Variants in BCAP29 observed in about 807,000 individuals in gnomAD.
The protein encoded by BCAP29 is B cell receptor associated protein 29, also known as B-cell receptor-associated protein 29.
Under a neutral mutation model 31.8 loss-of-function variants are expected in BCAP29, and 34 were observed. That is an observed-to-expected ratio of 1.07 (90% CI 0.81 to 1.42). The LOEUF (loss-of-function observed/expected upper bound fraction) is 1.42. Ranked by LOEUF, BCAP29 falls within the 40% of genes most tolerant of loss-of-function variation. BCAP29 has a pLI of 0.00. For missense variants in BCAP29, 314 were observed against 269.2 expected (o/e 1.17, Z -1.16); for synonymous variants, 104 against 91.3 (o/e 1.14, Z -0.79).
chr7:107,586,960 G>T (rs1807813592), intron 3 of BCAP29, among the ~76,000 whole-genome samples: 1 of 151,856 alleles, frequency 6.6e-6, no homozygotes, highest in African/African-American at 2.4e-5. Context: ...AAACTCCTGA[G>T]CTCAAAGCGA....
intron 4 of BCAP29, 114 bp downstream of exon 4, chr7:107,594,219 C>T (rs1208377200): frequency 1.3e-5 from 12 of 953,568 alleles, no homozygotes; most frequent in African/African-American, 5.0e-5. Flanking sequence ...GACAACCTTT[C>T]GCTCTGTTGC....
chr7:107,596,529 G>T (rs1346937709), intron 5 of BCAP29, among the ~76,000 whole-genome samples: 2 of 151,918 alleles, frequency 1.3e-5, no homozygotes, highest in Non-Finnish European at 2.9e-5. Context: ...TTTCACAGTG[G>T]CAAAAATAAA....
At chr7:107,591,726 T>C (rs542641513) in intron 3 of BCAP29, among the ~76,000 whole-genome samples, 12 of 147,534 alleles carry the variant, frequency 8.1e-5, no homozygotes, top group Non-Finnish European at 1.6e-4. Flanking sequence ...CATCAAAAAG[T>C]ATGAGACAAA....
At position 107,618,641 on chromosome 7, in the gene BCAP29, A is replaced by C; in HGVS notation, c.*278A>C. 1 of 1,447,286 alleles carries C rather than the reference A, an allele frequency of 6.9e-7. No individual in the cohort carries two copies. Among genetic ancestry groups the C allele is most frequent in the South Asian group, 1.5e-5 (1 of 67,760 alleles). The allele number at this position is 1,447,286 out of a possible 1,614,324, so 89.7% of individuals were successfully genotyped here. A position where few individuals can be genotyped will look rare whatever the true frequency, so the allele number is the denominator to read the frequency against. ...GGTATATGGTGGCTGTTTACCAATA[A>C]AAGGAAAAAATTCATTAACCGGTTG... On this transcript the variant is annotated 3_prime_UTR_variant, in exon 8 of 8. Coordinates refer to ENST00000005259, the MANE Select transcript of BCAP29 (RefSeq NM_018844.4).
At chr7:107,616,037 T>C (rs1814069677) in intron 7 of BCAP29, among the ~76,000 whole-genome samples, 1 of 152,178 alleles carries the variant, frequency 6.6e-6, no homozygotes, top group Non-Finnish European at 1.5e-5. Context: ...TGCTGATCAT[T>C]GGATTGTGTT....
intron 6 of BCAP29, among the ~76,000 whole-genome samples, chr7:107,604,694 T>G (rs567086134): frequency 1.8e-4 from 28 of 151,396 alleles, no homozygotes; most frequent in East Asian, 7.7e-4. Flanking sequence ...TGTTTTTTTT[T>G]TTTTGCTTTG....
In BCAP29 at chr7:107,585,605, A is replaced by C. The variant is rs1807503493; in HGVS notation, c.193+1623A>C. 2.0e-5 allele frequency among the ~76,000 whole-genome samples: 3 copies of C among 152,210 alleles called. No homozygotes were observed. The South Asian group carries it at 6.2e-4, about 32-fold the overall frequency. The stretch of plus-strand genomic sequence containing the variant: ...GCAGCTCCTGATTTTATGATCTTCT[A>C]ACTCTAAAATTATCACAAAAATTTC... On this transcript the variant is annotated intron_variant, in intron 3 of 7. Transcript: ENST00000005259.
chr7:107,618,198 T>A (rs1309308311), intron 7 of BCAP29, 130 bp from the exon 8 acceptor site: 1 of 643,808 alleles, frequency 1.6e-6, no homozygotes, highest in Non-Finnish European at 2.4e-6. Context: ...ACTTTCTCAA[T>A]CCTTTTTTTC....
chr7:107,599,008 A>T (rs1440135742), intron 5 of BCAP29, among the ~76,000 whole-genome samples: 1 of 45,834 alleles, frequency 2.2e-5, no homozygotes, highest in Non-Finnish European at 3.6e-5. Context: ...TAGATCTACA[A>T]ATTTATATAT....
At chr7:107,580,031 G>A (rs1806277782), upstream of BCAP29, 1 of 152,350 alleles carries the variant, frequency 6.6e-6, no homozygotes, top group Non-Finnish European at 1.5e-5. Context: ...TGGAAAGTCT[G>A]TCCTCCTGAA....
chr7:107,591,979 G>A (rs980418313), intron 3 of BCAP29, among the ~76,000 whole-genome samples: 119 of 151,690 alleles, frequency 7.8e-4, no homozygotes, highest in African/African-American at 2.8e-3. Context: ...AAGAGACAGG[G>A]TCTTGCCATT....
In BCAP29 at chr7:107,618,748, A is replaced by T. The variant is rs576947546; in HGVS notation, c.*385A>T. ...GATAAGTTTTCAGTAATAATAACCT[A>T]TTTAATCAGATGATGATGTGTTTGA... On this transcript the variant is annotated 3_prime_UTR_variant, in exon 8 of 8. Coordinates refer to ENST00000005259, the MANE Select transcript of BCAP29 (RefSeq NM_018844.4). The T allele has an allele frequency of 1.7e-6, 1 of 596,396 alleles. No homozygotes were observed. The highest frequency in any genetic ancestry group is 2.8e-6 in the Non-Finnish European group (1 of 351,632). 36.9% of individuals were successfully genotyped at this position (596,396 alleles called of 1,614,324 possible).
At chr7:107,593,336 G>C (rs73419490) in intron 3 of BCAP29, among the ~76,000 whole-genome samples, 9,060 of 152,168 alleles carry the variant, frequency 0.06, 741 homozygotes, top group African/African-American at 0.18. Flanking sequence ...GAAAGAAGTG[G>C]TTCCCCTGCA....
At chr7:107,580,413 C>T (rs868690675) in intron 1 of BCAP29, 112 bp downstream of exon 1, 13 of 241,682 alleles carry the variant, frequency 5.4e-5, no homozygotes, top group Non-Finnish European at 8.8e-5. Flanking sequence ...CGGCCCGGCC[C>T]GGTCCGCGGC....
chr7:107,593,942 T>C lies in BCAP29; in HGVS notation c.194-13T>C, dbSNP rs1809337496. 1 of 1,578,178 alleles carries C rather than the reference T, an allele frequency of 6.3e-7. No homozygotes were observed. Among genetic ancestry groups the C allele is most frequent in the Admixed American group, 2.0e-5 (1 of 49,616 alleles). On this transcript the variant is annotated splice_polypyrimidine_tract_variant and intron_variant, in intron 3 of 7. Coordinates refer to ENST00000005259, the MANE Select transcript of BCAP29 (RefSeq NM_018844.4). Reference sequence around the variant, plus strand: ...AAAAGCCAAAAGTACTGTTTTCTTTTGTTCTGTAATAGATGCTGTGAGAGA... The same window carrying C: ...AAAAGCCAAAAGTACTGTTTTCTTTCGTTCTGTAATAGATGCTGTGAGAGA...
intron 2 of BCAP29, among the ~76,000 whole-genome samples, chr7:107,582,302 T>A (rs1202748010): frequency 6.6e-6 from 1 of 152,206 alleles, no homozygotes; most frequent in Non-Finnish European, 1.5e-5. Context: ...ATTAGATAGA[T>A]GTGTGTATAT....
chr7:107,588,220 A>C (rs894209163), intron 3 of BCAP29, among the ~76,000 whole-genome samples: 7 of 152,206 alleles, frequency 4.6e-5, no homozygotes, highest in Non-Finnish European at 7.4e-5. Context: ...GACTTTCAGG[A>C]ATAGATATGG....
At chr7:107,609,953 A>G (rs1293143974) in intron 6 of BCAP29, among the ~76,000 whole-genome samples, 1 of 152,226 alleles carries the variant, frequency 6.6e-6, no homozygotes, top group Non-Finnish European at 1.5e-5. Context: ...AGTGCCTCTA[A>G]AAACTTCCAT....
intron 6 of BCAP29, among the ~76,000 whole-genome samples, chr7:107,607,676 G>A (rs1434999015): frequency 7.5e-6 from 1 of 132,878 alleles, no homozygotes; most frequent in Non-Finnish European, 1.6e-5. Context: ...TCCCTTTGTA[G>A]TGCAGGCTGG....
Sources: allele counts gnomAD v4.1 joint callset (sites outside exome capture counted in the v4.1 genomes callset), GRCh38; gene constraint gnomAD v4.1.1; transcripts MANE v1.5; gene names NCBI Gene and HGNC (gene_info 2026-07-23, HGNC 2026-07-21).